Variants in ANKAR observed in about 807,000 individuals in gnomAD.
ANKAR encodes the protein ankyrin and armadillo repeat-containing protein.
ANKAR carries 136 observed loss-of-function variants against 146.2 expected under a neutral mutation model. The ratio of observed to expected loss-of-function variants is 0.93; its 90% CI spans 0.81 to 1.07. The LOEUF is 1.07. Ranked by LOEUF, ANKAR falls within the 50% of genes least tolerant of loss-of-function variation. ANKAR has a pLI of 0.00. For synonymous variants in ANKAR, 500 were observed against 575.8 expected (o/e 0.87, Z 1.88); for missense variants, 1,567 against 1,679.9 (o/e 0.93, Z 1.18).
rs1297583069 is a variant in ANKAR at position 189,676,846 on chromosome 2, C to T, written c.356C>T (p.Ser119Phe). Residue 119 changes from serine to phenylalanine, a missense_variant, in exon 2 of 23, where the codon TCC becomes TTC. By Grantham distance (155) the Ser-to-Phe change is radical. Coordinates refer to ENST00000684021, the MANE Select transcript of ANKAR (RefSeq NM_001378068.1). ...ATTTATTGCCTAAATCAAATCCCTTCCATCAGTTTAGAAGCTAATTATGAT... is the reference window on the plus strand; with the variant it reads ...ATTTATTGCCTAAATCAAATCCCTTTCATCAGTTTAGAAGCTAATTATGAT... ...IGIYCLNQIP[S>F]ISLEANYDQS... 1 of 1,614,188 alleles carries T rather than the reference C, an allele frequency of 6.2e-7. No homozygotes were observed. Among genetic ancestry groups the T allele is most frequent in the East Asian group, 2.2e-5 (1 of 44,882 alleles).
At chr2:189,726,347 A>T (rs570738626) in intron 12 of ANKAR, among the ~76,000 whole-genome samples, 1 of 152,058 alleles carries the variant, frequency 6.6e-6, no homozygotes, top group Admixed American at 6.5e-5. Flanking sequence ...TGAGGTTGCT[A>T]TGTTGCCCGG....
At chr2:189,737,961 G>C (rs1013115759) in intron 18 of ANKAR, 120 bp downstream of exon 18, 231 of 912,252 alleles carry the variant, frequency 2.5e-4, no homozygotes, top group Middle Eastern at 1.8e-3. Flanking sequence ...TTAGTACTTT[G>C]CACATAAGCC....
At chr2:189,701,462 TG>T (rs1197039618) in intron 7 of ANKAR, among the ~76,000 whole-genome samples, 10 of 152,208 alleles carry the variant, frequency 6.6e-5, no homozygotes, top group African/African-American at 2.2e-4. Flanking sequence ...TTCAGACTCT[TG>T]GGCTCAAGGA....
chr2:189,761,707 G>A, downstream of ANKAR: 1 of 1,436,956 alleles, frequency 7.0e-7, no homozygotes, highest in South Asian at 1.6e-5. Context: ...ACTGACATTA[G>A]CCAGCTTATT....
rs528164117 is a variant in ANKAR at position 189,714,966 on chromosome 2, A to G, written c.2224+3813A>G. ...ATCTCACAAAAAAAAAAAAAAAAAA[A>G]AGAGAGAGAGAGAGAAACCAGGAAA... On this transcript the variant is annotated intron_variant, in intron 10 of 22. Transcript: ENST00000684021. 2.3e-4 allele frequency among the ~76,000 whole-genome samples: 29 copies of G among 123,912 alleles called. No homozygotes were observed. In the South Asian group the frequency reaches 6.2e-3, roughly 26 times the overall value. 81.3% of individuals were successfully genotyped at this position (123,912 alleles called of 152,430 possible). A position where few individuals can be genotyped will look rare whatever the true frequency, so the allele number is the denominator to read the frequency against.
rs771930919 is a variant in ANKAR, at chr2:189,755,325, G to A, written c.*585-5773G>A. On this transcript the variant is annotated intron_variant and NMD_transcript_variant, in intron 18 of 18. Coordinates refer to the ANKAR transcript ENST00000441800. Reference sequence around the variant, plus strand: ...ACTTTATTGGTCAACCTAATAGTAAGTGCATGAGCCTCCATATGATGAATG... The same window carrying A: ...ACTTTATTGGTCAACCTAATAGTAAATGCATGAGCCTCCATATGATGAATG... The A allele has an allele frequency of 3.1e-5, 50 of 1,613,344 alleles. 1 individual carries two copies. In the South Asian group the frequency reaches 4.9e-4, roughly 16 times the overall value.
chr2:189,683,000 G>C (rs2105758601), intron 2 of ANKAR, among the ~76,000 whole-genome samples: 1 of 152,290 alleles, frequency 6.6e-6, no homozygotes, highest in East Asian at 1.9e-4. Context: ...AGGGTGATTA[G>C]TTCATAAAGG....
intron 19 of ANKAR, among the ~76,000 whole-genome samples, chr2:189,740,368 A>G (rs2043211128): frequency 1.3e-5 from 2 of 152,228 alleles, no homozygotes; most frequent in Admixed American, 1.3e-4. Flanking sequence ...GGAGGCAATA[A>G]ACACAAGGAA....
intron 12 of ANKAR, among the ~76,000 whole-genome samples, chr2:189,722,830 C>T (rs934347557): frequency 2.7e-5 from 4 of 150,140 alleles, no homozygotes; most frequent in Admixed American, 1.3e-4. Context: ...TGCAGTGAGC[C>T]GAGATCATGC....
At chr2:189,735,020 A>G (rs1482161274) in intron 17 of ANKAR, among the ~76,000 whole-genome samples, 3 of 150,260 alleles carry the variant, frequency 2.0e-5, no homozygotes, top group African/African-American at 7.3e-5. Context: ...AAATATATAT[A>G]TAAAATATAT....
intron 8 of ANKAR, among the ~76,000 whole-genome samples, chr2:189,705,807 T>C (rs2352288): frequency 0.99 from 150,367 of 152,202 alleles, 74,312 homozygotes; most frequent in East Asian, 1. Context: ...TGCGGATCAG[T>C]ATTTAGGGTA....
intron 2 of ANKAR, among the ~76,000 whole-genome samples, chr2:189,683,076 C>T (rs1328589314): frequency 1.3e-5 from 2 of 152,158 alleles, no homozygotes; most frequent in South Asian, 2.1e-4. Context: ...CTTGTCCCTC[C>T]CACCCTGTAC....
intron 7 of ANKAR, among the ~76,000 whole-genome samples, chr2:189,704,578 T>TC (rs2038617214): frequency 3.3e-5 from 4 of 122,000 alleles, no homozygotes; most frequent in Non-Finnish European, 6.9e-5. Flanking sequence ...TATATATATA[T>TC]ATATATATAT....
At chr2:189,727,751 T>G in intron 12 of ANKAR, 105 bp from the exon 13 acceptor site, 1 of 1,372,484 alleles carries the variant, frequency 7.3e-7, no homozygotes, top group Non-Finnish European at 9.7e-7. Context: ...TCTCTAAGCT[T>G]TTTATAAATT....
At chr2:189,740,453 C>T (rs2043220785) in intron 19 of ANKAR, among the ~76,000 whole-genome samples, 1 of 152,160 alleles carries the variant, frequency 6.6e-6, no homozygotes, top group African/African-American at 2.4e-5. Context: ...AATAAAGTAT[C>T]CACATACTCC....
At chr2:189,760,910 C>G (rs58944965) in intron 18 of ANKAR, among the ~76,000 whole-genome samples, 1,634 of 152,306 alleles carry the variant, frequency 0.011, 31 homozygotes, top group African/African-American at 0.037. Flanking sequence ...GTGACCTCCT[C>G]CAGACATTTT....
downstream of ANKAR, chr2:189,761,303 G>A: frequency 9.2e-7 from 1 of 1,087,400 alleles, no homozygotes; most frequent in Non-Finnish European, 1.3e-6. Flanking sequence ...GTTATTAAAA[G>A]TGTTTGCAAA....
downstream of ANKAR, chr2:189,763,042 AAG>A: frequency 1.1e-5 from 11 of 985,352 alleles, no homozygotes; most frequent in Non-Finnish European, 1.2e-5. Flanking sequence ...CTACATTAAA[AAG>A]AAATTTTTTT....
chr2:189,708,080 A>G (rs578144435), intron 9 of ANKAR, among the ~76,000 whole-genome samples: 2 of 152,348 alleles, frequency 1.3e-5, no homozygotes, highest in South Asian at 4.1e-4. Context: ...CGTAAAGCAT[A>G]GGGAATTTCA....
Sources: allele counts gnomAD v4.1 joint callset (sites outside exome capture counted in the v4.1 genomes callset), GRCh38; gene constraint gnomAD v4.1.1; transcripts MANE v1.5; gene names NCBI Gene and HGNC (gene_info 2026-07-23, HGNC 2026-07-21).